AK7: variants seen among roughly 807,000 people sequenced by gnomAD.
AK7 encodes adenylate kinase 7.
In AK7, 78 loss-of-function variants were observed where a neutral mutation model predicts 96.6. The ratio of observed to expected loss-of-function variants is 0.81; its 90% CI spans 0.67 to 0.97. The LOEUF (loss-of-function observed/expected upper bound fraction) is 0.97, where lower values mean the gene tolerates loss of function less well. Ranked by LOEUF, AK7 falls within the 50% of genes least tolerant of loss-of-function variation. AK7 has a pLI of 0.00. For synonymous variants in AK7, 302 were observed against 317.2 expected (o/e 0.95, Z 0.51); for missense variants, 855 against 887.9 (o/e 0.96, Z 0.47).
chr14:96,430,027 C>T (rs1448887257), intron 5 of AK7, among the ~76,000 whole-genome samples: 2 of 152,080 alleles, frequency 1.3e-5, no homozygotes, highest in African/African-American at 2.4e-5. Context: ...GAGAGGGCAT[C>T]CCTGTCTTGT....
At position 96,458,128 on chromosome 14, in the gene AK7, G is replaced by A. The variant is rs143809878; in HGVS notation, c.1273G>A (p.Val425Ile). 2 of 1,614,000 alleles carry A rather than the reference G, an allele frequency of 1.2e-6. No homozygotes were observed. The highest frequency in any genetic ancestry group is 1.7e-6 in the Non-Finnish European group (2 of 1,179,960). ...PNDVGEGEEE[V>I]EEEEEEENVE... ...CGATGTAGGGGAAGGAGAAGAAGAA[G>A]TCGAAGAGGAAGAGGAGGAGGAGAA... The change falls in exon 12 of 18, where the codon GTC becomes ATC. Residue 425 changes from valine (V) to isoleucine (I), a missense_variant. Val to Ile is a conservative substitution (Grantham distance 29, BLOSUM62 3). Transcript: ENST00000267584.
chr14:96,462,048 ACACT>A (rs1894280399), intron 12 of AK7, among the ~76,000 whole-genome samples: 1 of 152,122 alleles, frequency 6.6e-6, no homozygotes, highest in South Asian at 2.1e-4. Flanking sequence ...CCAGCTGAGA[ACACT>A]CACTGAGGCC....
Position 96,425,570 on chromosome 14 carries a change from C to T in AK7, c.609+4638C>T, listed in dbSNP as rs144011194. Among the ~76,000 whole-genome samples the T allele has an allele frequency of 2.0e-3, 292 of 148,468 alleles. 1 individual carries two copies. Among genetic ancestry groups the T allele is most frequent in the African/African-American group, 6.8e-3 (271 of 39,934 alleles). On this transcript the variant is annotated intron_variant, in intron 5 of 17. Coordinates refer to ENST00000267584, the MANE Select transcript of AK7 (RefSeq NM_152327.5). ...TGATCTCGGGTCACTGCAACCCCTG[C>T]CTCCCAAGTTCAAATGACTCTCCTG...
intron 2 of AK7, among the ~76,000 whole-genome samples, chr14:96,400,604 C>T (rs1890353923): frequency 6.6e-6 from 1 of 152,184 alleles, no homozygotes; most frequent in South Asian, 2.1e-4. Flanking sequence ...TTCAGGCTGG[C>T]AGTAAGGCTG....
intron 10 of AK7, 29 bp downstream of exon 10, chr14:96,451,599 T>G: frequency 1.4e-6 from 2 of 1,410,260 alleles, no homozygotes; most frequent in Non-Finnish European, 1.9e-6. Flanking sequence ...CACTGAAACT[T>G]CTGATTCAAG....
At chr14:96,457,835 G>A (rs1894017919) in intron 11 of AK7, among the ~76,000 whole-genome samples, 1 of 152,176 alleles carries the variant, frequency 6.6e-6, no homozygotes, top group Non-Finnish European at 1.5e-5. Context: ...TTAGAAAGAT[G>A]TTGGCTCAAG....
At chr14:96,404,895 G>T in intron 3 of AK7, 30 bp downstream of exon 3, 1 of 1,517,062 alleles carries the variant, frequency 6.6e-7, no homozygotes. Context: ...TTATCTCCAG[G>T]GATGCTATTG....
intron 16 of AK7, 77 bp from the exon 17 acceptor site, chr14:96,486,821 C>A (rs548347754): frequency 5.9e-5 from 79 of 1,343,084 alleles, no homozygotes; most frequent in Non-Finnish European, 7.9e-5. Context: ...TGTCTCAATG[C>A]ACTGTAGGGT....
chr14:96,452,140 T>TA (rs1893640815), intron 10 of AK7, among the ~76,000 whole-genome samples: 1 of 152,196 alleles, frequency 6.6e-6, no homozygotes, highest in Non-Finnish European at 1.5e-5. Flanking sequence ...AATGGACAAA[T>TA]AGATTATATA....
At chr14:96,477,322 T>G (rs1385955467) in intron 14 of AK7, among the ~76,000 whole-genome samples, 2 of 152,274 alleles carry the variant, frequency 1.3e-5, no homozygotes, top group East Asian at 3.9e-4. Context: ...ACACTTACCT[T>G]TTTCACCCAC....
At chr14:96,454,042 C>T (rs1022082127) in intron 10 of AK7, among the ~76,000 whole-genome samples, 2 of 152,152 alleles carry the variant, frequency 1.3e-5, no homozygotes, top group African/African-American at 2.4e-5. Flanking sequence ...TCCTCCCTAT[C>T]CGATGGGACC....
At chr14:96,470,992 G>T (rs775058231) in intron 12 of AK7, among the ~76,000 whole-genome samples, 3 of 152,106 alleles carry the variant, frequency 2.0e-5, no homozygotes, top group Non-Finnish European at 4.4e-5. Flanking sequence ...AGTTCACTGG[G>T]TTCTCCTACA....
At chr14:96,421,632 G>A (rs1891700584) in intron 5 of AK7, 1 of 148,300 alleles carries the variant, frequency 6.7e-6, no homozygotes. Context: ...TTGAGATGGA[G>A]TCTCGCTCTG....
intron 17 of AK7, chr14:96,488,099 G>A: frequency 4.6e-6 from 2 of 437,604 alleles, no homozygotes; most frequent in Non-Finnish European, 8.6e-6. Context: ...TTTTAGTAGA[G>A]AGGAAGTTTC....
At chr14:96,459,080 G>A (rs1438715757) in intron 12 of AK7, among the ~76,000 whole-genome samples, 1 of 152,140 alleles carries the variant, frequency 6.6e-6, no homozygotes, top group Non-Finnish European at 1.5e-5. Context: ...GCTCACACCT[G>A]TAATCCCAGC....
chr14:96,456,727 C>T (rs1004375469), intron 11 of AK7: 25 of 331,152 alleles, frequency 7.5e-5, no homozygotes, highest in Admixed American at 1.6e-4. Flanking sequence ...TTGGATGTGG[C>T]GCTTGCTGGC....
chr14:96,443,027 G>A (rs2140094671), intron 7 of AK7, among the ~76,000 whole-genome samples: 1 of 152,222 alleles, frequency 6.6e-6, no homozygotes, highest in East Asian at 1.9e-4. Context: ...TACATTTCTG[G>A]TGACAAGTTC....
chr14:96,402,937 C>A (rs370367287), intron 2 of AK7, among the ~76,000 whole-genome samples: 1 of 151,808 alleles, frequency 6.6e-6, no homozygotes, highest in Non-Finnish European at 1.5e-5. Context: ...AAGACCAACC[C>A]GGCCAACATT....
intron 14 of AK7, among the ~76,000 whole-genome samples, chr14:96,473,172 A>C (rs1331333011): frequency 7.3e-6 from 1 of 137,108 alleles, no homozygotes; most frequent in Non-Finnish European, 1.6e-5. Flanking sequence ...TGCCCAGCTA[A>C]TTTTTTTTTT....
Sources: gnomAD v4.1 joint callset for allele counts (sites outside exome capture counted in the v4.1 genomes callset) on GRCh38, gnomAD v4.1.1 for gene constraint, MANE v1.5 for transcripts, NCBI Gene and HGNC (gene_info 2026-07-23, HGNC 2026-07-21) for gene names.